RAB20: variants seen among roughly 807,000 people sequenced by gnomAD.
RAB20 encodes RAB20, member RAS oncogene family.
A neutral mutation model predicts 3.7 loss-of-function variants in RAB20; 2 were observed. That is an observed-to-expected ratio of 0.54 (90% CI 0.22 to 1.69). The LOEUF is 1.69. RAB20 is among the 40% of genes most tolerant of loss of function. The pLI is 0.19. For synonymous variants in RAB20, 126 were observed against 130.8 expected, an observed-to-expected ratio of 0.96 and a Z score of 0.25; for missense variants, 276 against 311.9, an observed-to-expected ratio of 0.88 and a Z score of 0.87.
chr13:110,546,816 C>A (rs1441600183), intron 1 of RAB20, among the ~76,000 whole-genome samples: 2 of 151,746 alleles, frequency 1.3e-5, no homozygotes, highest in South Asian at 2.1e-4. Flanking sequence ...CAGCTCACTG[C>A]AGCTTCAAAC....
At chr13:110,546,866 T>C (rs1300600579) in intron 1 of RAB20, among the ~76,000 whole-genome samples, 2 of 152,056 alleles carry the variant, frequency 1.3e-5, no homozygotes, top group Non-Finnish European at 2.9e-5. Context: ...GCCTCCCCAG[T>C]AGCTGAACCT....
chr13:110,549,464 G>A (rs1476517936), intron 1 of RAB20, among the ~76,000 whole-genome samples: 1 of 144,650 alleles, frequency 6.9e-6, no homozygotes, highest in Non-Finnish European at 1.5e-5. Flanking sequence ...TACAGCCATT[G>A]TTACAATCTA....
At chr13:110,536,575 C>T (rs189143876) in intron 1 of RAB20, among the ~76,000 whole-genome samples, 18 of 152,092 alleles carry the variant, frequency 1.2e-4, no homozygotes, top group African/African-American at 3.1e-4. Flanking sequence ...GAGGATGGGC[C>T]GGAGAACACT....
intron 1 of RAB20, among the ~76,000 whole-genome samples, chr13:110,526,431 A>G (rs1884431883): frequency 6.6e-6 from 1 of 152,092 alleles, no homozygotes; most frequent in Admixed American, 6.6e-5. Flanking sequence ...AATTTTCTAA[A>G]GATCACATTT....
At chr13:110,528,845 A>C (rs941283154) in intron 1 of RAB20, among the ~76,000 whole-genome samples, 2 of 152,224 alleles carry the variant, frequency 1.3e-5, no homozygotes, top group Admixed American at 1.3e-4. Context: ...AGAAAAAAGT[A>C]AGAATTGTTG....
At chr13:110,545,741 C>T (rs1884839465) in intron 1 of RAB20, among the ~76,000 whole-genome samples, 1 of 152,118 alleles carries the variant, frequency 6.6e-6, no homozygotes, top group South Asian at 2.1e-4. Context: ...CCTGCACTCC[C>T]CCTCAAAAAG....
intron 1 of RAB20, among the ~76,000 whole-genome samples, chr13:110,548,818 CGA>C (rs1280471030): frequency 2.6e-5 from 4 of 152,076 alleles, no homozygotes; most frequent in African/African-American, 9.7e-5. Flanking sequence ...TCATCTGCAC[CGA>C]GAGGTGAGGA....
At chr13:110,541,202 C>T (rs966865532) in intron 1 of RAB20, among the ~76,000 whole-genome samples, 13 of 152,200 alleles carry the variant, frequency 8.5e-5, no homozygotes, top group Non-Finnish European at 1.3e-4. Flanking sequence ...CACCTGGTCA[C>T]GGTCACGGCG....
At chr13:110,558,056 G>T (rs921053995) in intron 1 of RAB20, among the ~76,000 whole-genome samples, 2 of 152,244 alleles carry the variant, frequency 1.3e-5, no homozygotes, top group African/African-American at 4.8e-5. Context: ...GCTGTAGAAC[G>T]AGGGCCCAAA....
chr13:110,543,684 A>C (rs751181467), intron 1 of RAB20, among the ~76,000 whole-genome samples: 5 of 152,110 alleles, frequency 3.3e-5, no homozygotes, highest in Non-Finnish European at 7.4e-5. Flanking sequence ...ATCATTAGCC[A>C]GACCAATACT....
chr13:110,559,963 G>A (rs1048107006), intron 1 of RAB20, among the ~76,000 whole-genome samples: 1 of 152,140 alleles, frequency 6.6e-6, no homozygotes, highest in African/African-American at 2.4e-5. Flanking sequence ...CATTAACCTT[G>A]CTACTTGTAA....
At chr13:110,560,784 T>C (rs9805796) in intron 1 of RAB20, among the ~76,000 whole-genome samples, 3,695 of 151,798 alleles carry the variant, frequency 0.024, 138 homozygotes, top group African/African-American at 0.076. Flanking sequence ...CCCAAACCCA[T>C]ATGACGTATC....
At chr13:110,540,465 G>A (rs1024779529) in intron 1 of RAB20, among the ~76,000 whole-genome samples, 13 of 152,288 alleles carry the variant, frequency 8.5e-5, no homozygotes, top group African/African-American at 2.4e-4. Flanking sequence ...CAGGGAGGCC[G>A]GGCGCAGTGG....
intron 1 of RAB20, among the ~76,000 whole-genome samples, chr13:110,545,286 C>T: frequency 6.6e-6 from 1 of 152,198 alleles, no homozygotes; most frequent in Admixed American, 6.5e-5. Context: ...ATGCCTATGT[C>T]AACACATTTC....
At chr13:110,558,162 C>T (rs1283130887) in intron 1 of RAB20, among the ~76,000 whole-genome samples, 2 of 152,220 alleles carry the variant, frequency 1.3e-5, no homozygotes, top group Admixed American at 1.3e-4. Context: ...CAGAGGAGCA[C>T]AGCAGTACGT....
intron 1 of RAB20, among the ~76,000 whole-genome samples, chr13:110,544,215 T>C (rs1012697675): frequency 6.6e-6 from 1 of 152,168 alleles, no homozygotes; most frequent in Non-Finnish European, 1.5e-5. Context: ...AACGTGTGGA[T>C]TTGTTTCTGG....
chr13:110,528,035 C>G lies in RAB20; in HGVS notation c.173-3838G>C, dbSNP rs1401568671. Among the ~76,000 whole-genome samples the G allele has an allele frequency of 2.6e-5, 4 of 151,248 alleles. No individual in the cohort carries two copies. The South Asian group carries it at 8.4e-4, about 32-fold the overall frequency. On this transcript the variant is annotated intron_variant, in intron 1 of 1. Transcript: ENST00000267328. Reference sequence around the variant, plus strand: ...GGAAGACTGCTTGAGCCAAGGAGTTCGAGGCTGCAATAAGCTATGATCATG... The same window carrying G: ...GGAAGACTGCTTGAGCCAAGGAGTTGGAGGCTGCAATAAGCTATGATCATG...
chr13:110,551,907 C>A (rs1884958062), intron 1 of RAB20, among the ~76,000 whole-genome samples: 1 of 102,460 alleles, frequency 9.8e-6, no homozygotes, highest in Non-Finnish European at 1.9e-5. Context: ...ATACTGAGAC[C>A]CCTGTCTCTA....
chr13:110,531,711 T>C (rs946005301), intron 1 of RAB20, among the ~76,000 whole-genome samples: 1 of 152,170 alleles, frequency 6.6e-6, no homozygotes, highest in African/African-American at 2.4e-5. Flanking sequence ...GGGCTGCCCA[T>C]GTCCCGGGTC....
Sources: allele counts gnomAD v4.1 joint callset (sites outside exome capture counted in the v4.1 genomes callset), GRCh38; gene constraint gnomAD v4.1.1; transcripts MANE v1.5; gene names NCBI Gene and HGNC (gene_info 2026-07-23, HGNC 2026-07-21).